The following UPF2 variants were observed in gnomAD, a reference collection of about 807,000 sequenced individuals.
UPF2 encodes UPF2 regulator of nonsense mediated mRNA decay.
Under a neutral mutation model 141.4 loss-of-function variants are expected in UPF2, and 17 were observed. The observed-to-expected ratio is 0.12, with a 90% CI of 0.08 to 0.18. The LOEUF (loss-of-function observed/expected upper bound fraction) is 0.18. Among genes scored for constraint, UPF2 ranks in the 10% least tolerant of loss-of-function variants. The pLI, the probability that UPF2 is intolerant of heterozygous loss-of-function variation, is 1.00. For missense variants in UPF2, 1,152 were observed against 1,515.9 expected, an observed-to-expected ratio of 0.76 and a Z score of 3.99; for synonymous variants, 540 against 498.0, an observed-to-expected ratio of 1.08 and a Z score of -1.12.
At chr10:11,954,517 C>T (rs1204209447) in intron 14 of UPF2, among the ~76,000 whole-genome samples, 5 of 151,196 alleles carry the variant, frequency 3.3e-5, no homozygotes, top group Non-Finnish European at 7.4e-5. Context: ...ACCTGTAATC[C>T]CAGGTACTCT....
chr10:11,962,475 C>T (rs143194337), intron 11 of UPF2, among the ~76,000 whole-genome samples: 2 of 152,204 alleles, frequency 1.3e-5, no homozygotes, highest in African/African-American at 2.4e-5. Flanking sequence ...CAAGTCTCCT[C>T]AGTTCTACCT....
At position 11,929,133 on chromosome 10, in the gene UPF2, C is replaced by T. The variant is rs1832751063; in HGVS notation, c.3809+732G>A. On this transcript the variant is annotated intron_variant, in intron 21 of 21. Coordinates refer to ENST00000357604, the MANE Select transcript of UPF2 (RefSeq NM_015542.4). ...CTGCACTCCAGCCTGGGCGACAGAG[C>T]AAGACTGTGTCTCAAAAAATAAATA... 2.0e-5 allele frequency among the ~76,000 whole-genome samples: 3 copies of T among 152,216 alleles called. No individual in the cohort carries two copies. In the South Asian group the frequency reaches 6.2e-4, roughly 32 times the overall value.
chr10:11,960,759 A>G (rs1378841285), intron 11 of UPF2, among the ~76,000 whole-genome samples: 1 of 150,706 alleles, frequency 6.6e-6, no homozygotes, highest in East Asian at 2.0e-4. Context: ...GACAAGCTTA[A>G]GACCTTATCT....
Position 11,980,195 on chromosome 10 carries a change from G to A in UPF2, c.1845-1030C>T, listed in dbSNP as rs763096953. Among the ~76,000 whole-genome samples the A allele has an allele frequency of 6.6e-6, 1 of 152,068 alleles. No individual in the cohort carries two copies. The highest frequency in any genetic ancestry group is 2.4e-5 in the African/African-American group (1 of 41,404). On this transcript the variant is annotated intron_variant, in intron 8 of 21. Transcript: ENST00000357604. This position sits in a 1 kb window ranked among gnomAD's most constrained non-coding sequence, Gnocchi z 4.2. ...ACTACTAGTTGGAATCAACACACAA[G>A]CTAAAATTTATTTTCCATTCCTGCC...
chr10:11,999,443 G>A (rs1159231240), intron 7 of UPF2, among the ~76,000 whole-genome samples: 1 of 149,554 alleles, frequency 6.7e-6, no homozygotes, highest in Non-Finnish European at 1.5e-5. Context: ...AACCTGGGAG[G>A]TGGAGGTTGC....
intron 4 of UPF2, among the ~76,000 whole-genome samples, chr10:12,013,576 C>T (rs946524518): frequency 6.6e-6 from 1 of 151,834 alleles, no homozygotes; most frequent in Non-Finnish European, 1.5e-5. Flanking sequence ...CCCGGCCACC[C>T]TTAAGATTTC....
At position 11,998,625 on chromosome 10, in the gene UPF2, G is replaced by A. The variant is rs1833902344; in HGVS notation, c.1759-868C>T. On this transcript the variant is annotated intron_variant, in intron 7 of 21. Transcript: ENST00000357604. This position sits in a 1 kb window ranked among gnomAD's most constrained non-coding sequence, Gnocchi z 4.5. Reference sequence around the variant, plus strand: ...TCTAGCACTCTGGGAGGCCGAGGTGGGTGGATCACGTGAGGTCAGGAGTTC... The same window carrying A: ...TCTAGCACTCTGGGAGGCCGAGGTGAGTGGATCACGTGAGGTCAGGAGTTC... Among the ~76,000 whole-genome samples the A allele has an allele frequency of 6.6e-6, 1 of 152,140 alleles. No individual in the cohort carries two copies. The highest frequency in any genetic ancestry group is 1.5e-5 in the Non-Finnish European group (1 of 68,024).
At chr10:11,987,927 T>A (rs1833720337) in intron 8 of UPF2, among the ~76,000 whole-genome samples, 1 of 152,012 alleles carries the variant, frequency 6.6e-6, no homozygotes, top group Non-Finnish European at 1.5e-5. Context: ...ACATCAAACT[T>A]TAAAAACTGT....
At chr10:11,926,048 A>T (rs1160038724) in intron 21 of UPF2, among the ~76,000 whole-genome samples, 1 of 152,256 alleles carries the variant, frequency 6.6e-6, no homozygotes, top group Non-Finnish European at 1.5e-5. Context: ...AGGCTGAGGC[A>T]GCAACAGCAA....
At chr10:11,973,562 T>C (rs763376465) in intron 9 of UPF2, among the ~76,000 whole-genome samples, 1 of 152,220 alleles carries the variant, frequency 6.6e-6, no homozygotes, top group Non-Finnish European at 1.5e-5. Flanking sequence ...AATTTTTGTA[T>C]AAGGTGTAAG....
intron 8 of UPF2, among the ~76,000 whole-genome samples, chr10:11,984,163 C>G (rs1475324885): frequency 1.3e-5 from 2 of 152,094 alleles, no homozygotes; most frequent in South Asian, 2.1e-4. Context: ...TTCAGGTGAC[C>G]CGCCGCCTTT....
chr10:11,976,773 C>A (rs533482498), intron 9 of UPF2, among the ~76,000 whole-genome samples: 7 of 152,196 alleles, frequency 4.6e-5, no homozygotes, highest in Non-Finnish European at 8.8e-5. Context: ...AATAGTAACA[C>A]AAGTAAGAAC....
intron 2 of UPF2, among the ~76,000 whole-genome samples, chr10:12,033,324 C>T (rs545825666): frequency 7.9e-5 from 12 of 151,978 alleles, no homozygotes; most frequent in Non-Finnish European, 1.6e-4. Context: ...CTTCTTGAGT[C>T]CAAGAGTTCA....
chr10:11,999,194 T>TG (rs1276438332), intron 7 of UPF2, among the ~76,000 whole-genome samples: 1 of 151,802 alleles, frequency 6.6e-6, no homozygotes, highest in African/African-American at 2.4e-5. Flanking sequence ...CCATCACTTT[T>TG]GCAAATGTCA....
At chr10:11,981,172 TA>T (rs990980040) in intron 8 of UPF2, among the ~76,000 whole-genome samples, 3 of 151,384 alleles carry the variant, frequency 2.0e-5, no homozygotes, top group East Asian at 3.9e-4. Flanking sequence ...CAAAAAGATT[TA>T]AAAAAAAATT....
chr10:11,944,592 T>C (rs1475765802), intron 16 of UPF2, among the ~76,000 whole-genome samples: 2 of 152,198 alleles, frequency 1.3e-5, no homozygotes, highest in African/African-American at 2.4e-5. Context: ...AAATTTGCAA[T>C]AGAGGTACTC....
intron 3 of UPF2, among the ~76,000 whole-genome samples, chr10:12,027,559 A>G (rs1413093166): frequency 6.6e-6 from 1 of 152,208 alleles, no homozygotes; most frequent in African/African-American, 2.4e-5. Context: ...GTACAAGTAC[A>G]CTCTCAGGTT....
At chr10:11,949,637 TTAAA>T (rs1253016341) in intron 15 of UPF2, among the ~76,000 whole-genome samples, 1 of 152,186 alleles carries the variant, frequency 6.6e-6, no homozygotes, top group Non-Finnish European at 1.5e-5. Context: ...ACAGTAGGTG[TTAAA>T]TAAATACCTG....
rs552078305 is a variant in UPF2, at chr10:12,019,914, G to A, written c.1146-5730C>T. On this transcript the variant is annotated intron_variant, in intron 3 of 21. Transcript: ENST00000357604. The surrounding 1 kb of genome is among the most constrained non-coding windows in gnomAD (Gnocchi z 4.5). ...TAATTTTTGTATTTTTAGTAGAGAC[G>A]GGGTTTTGCCACGTTGGCCAGGCTG... Among the ~76,000 whole-genome samples, 55 of 152,072 alleles carry A rather than the reference G, an allele frequency of 3.6e-4. No homozygotes were observed. Among genetic ancestry groups the A allele is most frequent in the African/African-American group, 1.3e-3 (52 of 41,500 alleles).
Sources: gnomAD v4.1 joint callset for allele counts (sites outside exome capture counted in the v4.1 genomes callset) on GRCh38, gnomAD v4.1.1 for gene constraint, Gnocchi (gnomAD v3.1) non-coding constraint, MANE v1.5 for transcripts, NCBI Gene and HGNC (gene_info 2026-07-23, HGNC 2026-07-21) for gene names.